OSBPL1A: variants seen among roughly 807,000 people sequenced by gnomAD.
The protein encoded by OSBPL1A is oxysterol-binding protein-related protein 1.
OSBPL1A carries 80 observed loss-of-function variants against 137.1 expected under a neutral mutation model. That is an observed-to-expected ratio of 0.58 (90% CI 0.49 to 0.70). The LOEUF (loss-of-function observed/expected upper bound fraction) is 0.70. OSBPL1A is among the 30% of genes least tolerant of loss of function. The pLI is 0.00. For synonymous variants in OSBPL1A, 365 were observed against 389.7 expected (o/e 0.94, Z 0.75); for missense variants, 970 against 1,129.4 (o/e 0.86, Z 2.02).
intron 27 of OSBPL1A, among the ~76,000 whole-genome samples, chr18:24,163,981 C>T (rs927012460): frequency 5.3e-5 from 8 of 152,218 alleles, no homozygotes; most frequent in Admixed American, 1.3e-4. Flanking sequence ...CTGCCCACCT[C>T]GGCCTCCCAA....
intron 15 of OSBPL1A, among the ~76,000 whole-genome samples, chr18:24,279,099 C>T (rs1307446477): frequency 6.6e-6 from 1 of 151,972 alleles, no homozygotes; most frequent in Non-Finnish European, 1.5e-5. Flanking sequence ...ATTGGTGCTA[C>T]ATATAGCAAA....
At chr18:24,181,100 A>G (rs1401998413) in intron 19 of OSBPL1A, 45 bp downstream of exon 19, 1 of 1,590,514 alleles carries the variant, frequency 6.3e-7, no homozygotes, top group African/African-American at 1.3e-5. Context: ...CTGGGTTGGT[A>G]GCAAGGTCTC....
chr18:24,166,297 T>C (rs1487479970), intron 26 of OSBPL1A, among the ~76,000 whole-genome samples: 3 of 152,148 alleles, frequency 2.0e-5, no homozygotes, highest in Admixed American at 2.0e-4. Flanking sequence ...AATTCTGAAG[T>C]AGACAGTGAC....
chr18:24,251,914 G>C (rs2089109900), intron 15 of OSBPL1A, among the ~76,000 whole-genome samples: 1 of 152,098 alleles, frequency 6.6e-6, no homozygotes, highest in Non-Finnish European at 1.5e-5. Flanking sequence ...TTCTAGAGTT[G>C]AAAAATGCAA....
Position 24,196,289 on chromosome 18 carries a change from G to A in OSBPL1A, c.1602-89C>T. On this transcript the variant is annotated intron_variant, in intron 17 of 27. Transcript: ENST00000319481. ...TGCTTTCATTCACATGAGAGCTGCA[G>A]GCACAGAAAGACCCTTTAAAAATGT... 3.5e-6 allele frequency: 3 copies of A among 857,356 alleles called. No homozygotes were observed. The South Asian group carries it at 4.5e-5, about 13-fold the overall frequency. 53.1% of individuals were successfully genotyped at this position (857,356 alleles called of 1,614,324 possible).
intron 4 of OSBPL1A, among the ~76,000 whole-genome samples, chr18:24,345,515 G>A (rs112091588): frequency 0.064 from 9,671 of 152,096 alleles, 378 homozygotes; most frequent in Middle Eastern, 0.095. Flanking sequence ...GGCGAAACCC[G>A]TCTCTATTAA....
intron 17 of OSBPL1A, among the ~76,000 whole-genome samples, chr18:24,212,779 C>T (rs2087583436): frequency 6.6e-6 from 1 of 152,102 alleles, no homozygotes; most frequent in African/African-American, 2.4e-5. Flanking sequence ...TCAAGATCTT[C>T]AAAGTTATAT....
At chr18:24,300,805 A>G (rs1365018312) in intron 14 of OSBPL1A, among the ~76,000 whole-genome samples, 1 of 152,132 alleles carries the variant, frequency 6.6e-6, no homozygotes, top group Non-Finnish European at 1.5e-5. Context: ...CAGAATACCT[A>G]TCTATCAGTC....
chr18:24,295,490 T>G (rs1184718585), intron 14 of OSBPL1A, among the ~76,000 whole-genome samples: 2 of 152,236 alleles, frequency 1.3e-5, no homozygotes, highest in Non-Finnish European at 2.9e-5. Context: ...TAGGCCAATG[T>G]CCAGAAGAGT....
At chr18:24,240,841 T>G (rs1427770260) in intron 15 of OSBPL1A, among the ~76,000 whole-genome samples, 3 of 152,190 alleles carry the variant, frequency 2.0e-5, no homozygotes, top group African/African-American at 7.2e-5. Flanking sequence ...TCACTTTCCC[T>G]TCCCTCCCAG....
At chr18:24,173,574 G>A (rs1013112842) in intron 21 of OSBPL1A, among the ~76,000 whole-genome samples, 6 of 151,946 alleles carry the variant, frequency 3.9e-5, no homozygotes, top group African/African-American at 9.7e-5. Flanking sequence ...CACCATGCCC[G>A]GCTAATTTTT....
Position 24,260,055 on chromosome 18 carries a change from G to A in OSBPL1A, c.1282-20673C>T, listed in dbSNP as rs531127452. On this transcript the variant is annotated intron_variant, in intron 15 of 27. Transcript: ENST00000319481. ...CTCAGACATTTCTCCAAAAAAGACA[G>A]CCAGTAAGCACATGAAAAGATGAGT... Among the ~76,000 whole-genome samples, 4 of 152,106 alleles carry A rather than the reference G, an allele frequency of 2.6e-5. No individual in the cohort carries two copies. In the South Asian group the frequency reaches 8.3e-4, roughly 32 times the overall value.
intron 11 of OSBPL1A, among the ~76,000 whole-genome samples, chr18:24,314,997 C>T (rs2090692398): frequency 1.3e-5 from 2 of 152,050 alleles, no homozygotes; most frequent in Admixed American, 6.6e-5. Context: ...TCTTCAAGAC[C>T]CTATCAGAGG....
chr18:24,273,093 G>C (rs946272476), intron 15 of OSBPL1A, among the ~76,000 whole-genome samples: 1 of 152,118 alleles, frequency 6.6e-6, no homozygotes, highest in Non-Finnish European at 1.5e-5. Flanking sequence ...TTTTAGTAGA[G>C]ACGGGGGTTT....
intron 5 of OSBPL1A, among the ~76,000 whole-genome samples, chr18:24,339,207 A>G (rs567748363): frequency 6.6e-6 from 1 of 151,504 alleles, no homozygotes; most frequent in South Asian, 2.1e-4. Context: ...TCTGACCTCA[A>G]GTGATCTGCC....
intron 21 of OSBPL1A, among the ~76,000 whole-genome samples, chr18:24,175,547 T>C (rs1007021609): frequency 3.3e-5 from 5 of 152,234 alleles, no homozygotes; most frequent in Non-Finnish European, 7.3e-5. Context: ...ACAAGTCCTT[T>C]GTTGGCTATA....
chr18:24,385,393 AAAAT>A (rs1906897383), intron 1 of OSBPL1A, among the ~76,000 whole-genome samples: 1 of 152,204 alleles, frequency 6.6e-6, no homozygotes, highest in South Asian at 2.1e-4. Context: ...CCTGTCTCTA[AAAAT>A]AAATAAATAA....
In OSBPL1A at chr18:24,213,342, C is replaced by T. The variant is rs538166139; in HGVS notation, c.1601+11700G>A. Among the ~76,000 whole-genome samples, 23 of 152,242 alleles carry T rather than the reference C, an allele frequency of 1.5e-4. No individual in the cohort carries two copies. In the East Asian group the frequency reaches 4.4e-3, roughly 29 times the overall value. Reference sequence around the variant, plus strand: ...TAGCACTTTGGGAGGCCGAGGCAGGCGGATCACTTGAGCTCAGGAGTTCGA... The same window carrying T: ...TAGCACTTTGGGAGGCCGAGGCAGGTGGATCACTTGAGCTCAGGAGTTCGA... On this transcript the variant is annotated intron_variant, in intron 17 of 27. Transcript: ENST00000319481.
At chr18:24,194,838 C>T (rs974575082) in intron 18 of OSBPL1A, among the ~76,000 whole-genome samples, 2 of 152,100 alleles carry the variant, frequency 1.3e-5, no homozygotes, top group Non-Finnish European at 1.5e-5. Context: ...AGCGGGAGAG[C>T]GGGGATTAGA....
Sources: allele counts gnomAD v4.1 joint callset (sites outside exome capture counted in the v4.1 genomes callset), GRCh38; gene constraint gnomAD v4.1.1; transcripts MANE v1.5; gene names NCBI Gene and HGNC (gene_info 2026-07-23, HGNC 2026-07-21).